The following LRRC49 variants were observed in gnomAD, a reference collection of about 807,000 sequenced individuals.
The protein encoded by LRRC49 is leucine-rich repeat-containing protein 49.
LRRC49 carries 50 observed loss-of-function variants against 83.3 expected under a neutral mutation model. That is an observed-to-expected ratio of 0.60 (90% confidence interval 0.48 to 0.76). LRRC49 has a LOEUF of 0.76. Ranked by LOEUF, LRRC49 falls within the 30% of genes least tolerant of loss-of-function variation. LRRC49 has a pLI of 0.00. For missense variants in LRRC49, 704 were observed against 809.1 expected, an observed-to-expected ratio of 0.87 and a Z score of 1.58; for synonymous variants, 286 against 283.3, an observed-to-expected ratio of 1.01 and a Z score of -0.10.
intron 9 of LRRC49, among the ~76,000 whole-genome samples, chr15:70,978,789 G>C (rs1038415237): frequency 6.6e-6 from 1 of 152,106 alleles, no homozygotes; most frequent in Non-Finnish European, 1.5e-5. Context: ...AATGAAACAG[G>C]TTAAGTGCTA....
Position 70,901,033 on chromosome 15 carries a change from A to C in LRRC49, c.296+9A>C. On this transcript the variant is annotated intron_variant, in intron 4 of 15. Transcript: ENST00000260382. ...AGGTTGAGCCTAGAAAGGTGAGGACAATTTCTTTTCTTTTCTTTTTTTTGA... is the reference window on the plus strand; with the variant it reads ...AGGTTGAGCCTAGAAAGGTGAGGACCATTTCTTTTCTTTTCTTTTTTTTGA... 3 of 1,546,636 alleles carry C rather than the reference A, an allele frequency of 1.9e-6. No homozygotes were observed. Among genetic ancestry groups the C allele is most frequent in the Non-Finnish European group, 2.7e-6 (3 of 1,131,306 alleles).
chr15:71,013,277 G>A (rs1008090115), intron 14 of LRRC49, among the ~76,000 whole-genome samples: 2 of 152,034 alleles, frequency 1.3e-5, no homozygotes, highest in African/African-American at 4.8e-5. Flanking sequence ...GAGGATATGG[G>A]GAAAAGATAT....
At chr15:70,936,526 T>G in intron 7 of LRRC49, 1 of 416,644 alleles carries the variant, frequency 2.4e-6, no homozygotes, top group East Asian at 3.4e-5. Flanking sequence ...CGTCTCTCCC[T>G]GTCTCCTCAG....
At chr15:71,012,486 T>G (rs1369910646) in intron 13 of LRRC49, among the ~76,000 whole-genome samples, 13 of 151,486 alleles carry the variant, frequency 8.6e-5, no homozygotes, top group Admixed American at 6.6e-4. Flanking sequence ...TCCAAGAAGC[T>G]ATAGGATTTC....
intron 11 of LRRC49, among the ~76,000 whole-genome samples, chr15:70,996,974 T>C (rs542762509): frequency 4.6e-5 from 7 of 152,310 alleles, no homozygotes; most frequent in African/African-American, 1.7e-4. Flanking sequence ...GCTGAACATA[T>C]GGTCTATCCC....
intron 14 of LRRC49, among the ~76,000 whole-genome samples, chr15:71,034,754 C>T (rs777766358): frequency 2.0e-5 from 3 of 152,086 alleles, no homozygotes; most frequent in Non-Finnish European, 4.4e-5. Flanking sequence ...CATGGATGAT[C>T]GAGATGGAAG....
chr15:71,043,588 C>T (rs1441677962), intron 15 of LRRC49, among the ~76,000 whole-genome samples: 3 of 152,156 alleles, frequency 2.0e-5, no homozygotes, highest in East Asian at 1.9e-4. Flanking sequence ...TCCTGGCAGA[C>T]ACCTGATGAC....
chr15:70,937,530 C>T (rs2035643107), intron 8 of LRRC49, among the ~76,000 whole-genome samples: 1 of 152,044 alleles, frequency 6.6e-6, no homozygotes, highest in Non-Finnish European at 1.5e-5. Flanking sequence ...AGTTTCACTT[C>T]AAAGCTGTTC....
chr15:70,934,504 ACT>A (rs1360053973), intron 7 of LRRC49, among the ~76,000 whole-genome samples: 3 of 152,134 alleles, frequency 2.0e-5, no homozygotes, highest in Admixed American at 1.3e-4. Context: ...ATTTTTGATA[ACT>A]CTACTAGGCA....
intron 2 of LRRC49, among the ~76,000 whole-genome samples, chr15:70,894,114 T>C (rs2033718946): frequency 6.6e-6 from 1 of 152,204 alleles, no homozygotes; most frequent in African/African-American, 2.4e-5. Flanking sequence ...CAGGCTGTTC[T>C]CGAGCTCCTG....
chr15:70,991,122 A>G (rs2037864583), intron 11 of LRRC49, among the ~76,000 whole-genome samples: 2 of 152,202 alleles, frequency 1.3e-5, no homozygotes, highest in Admixed American at 6.5e-5. Flanking sequence ...GCTGTGATCT[A>G]TACTATCTGT....
intron 11 of LRRC49, among the ~76,000 whole-genome samples, chr15:70,988,299 G>C (rs1391786208): frequency 6.7e-5 from 10 of 148,624 alleles, no homozygotes; most frequent in Non-Finnish European, 1.5e-4. Context: ...CTCAGGACTT[G>C]CTTTATGAAT....
chr15:71,010,980 A>G (rs2038633219), intron 13 of LRRC49, among the ~76,000 whole-genome samples: 2 of 152,098 alleles, frequency 1.3e-5, no homozygotes, highest in African/African-American at 2.4e-5. Context: ...TCAGCATACT[A>G]TGAGGAGACT....
intron 9 of LRRC49, among the ~76,000 whole-genome samples, chr15:70,972,523 G>A (rs1395038409): frequency 6.6e-6 from 1 of 151,774 alleles, no homozygotes. Context: ...GAATTTGAAT[G>A]TTGGCCTGTC....
rs1380860703 is a variant in LRRC49, at chr15:71,008,385, A to G, written c.1176A>G (p.Leu392=). The change falls in exon 12 of 16, where the codon CTA becomes CTG. Residue 392 remains leucine, a synonymous_variant. Coordinates refer to ENST00000260382, the MANE Select transcript of LRRC49 (RefSeq NM_017691.5). ...LSAFPEETGP[L]DSGLNNALQG... is the part of the protein sequence containing the mutation. ...TATACTTTGGGTTTTCCAGGCCTCT[A>G]GACTCAGGACTCAACAATGCTTTAC... 2 of 1,609,028 alleles carry G rather than the reference A, an allele frequency of 1.2e-6. No individual in the cohort carries two copies. Among genetic ancestry groups the G allele is most frequent in the Non-Finnish European group, 8.5e-7 (1 of 1,175,920 alleles).
intron 15 of LRRC49, among the ~76,000 whole-genome samples, chr15:71,049,000 T>G (rs1021716832): frequency 1.3e-5 from 2 of 152,226 alleles, no homozygotes; most frequent in African/African-American, 4.8e-5. Context: ...TACATAGATA[T>G]TAACTAATAT....
chr15:70,853,531 G>A (rs1051782468), intron 1 of LRRC49: 2 of 177,686 alleles, frequency 1.1e-5, no homozygotes, highest in African/African-American at 2.4e-5. Context: ...GCGGCGATGG[G>A]GAGGTGGTGT....
intron 3 of LRRC49, 129 bp downstream of exon 3, chr15:70,896,065 G>T: frequency 8.5e-6 from 5 of 589,366 alleles, no homozygotes; most frequent in Non-Finnish European, 1.2e-5. Context: ...GGACCAAATT[G>T]GTTTGGTATT....
At chr15:70,883,096 T>A (rs1211108907) in intron 2 of LRRC49, among the ~76,000 whole-genome samples, 1 of 152,242 alleles carries the variant, frequency 6.6e-6, no homozygotes, top group Admixed American at 6.5e-5. Context: ...ATTGTCTTTT[T>A]TCCACTTATA....
Sources: gnomAD v4.1 joint callset for allele counts (sites outside exome capture counted in the v4.1 genomes callset) on GRCh38, gnomAD v4.1.1 for gene constraint, MANE v1.5 for transcripts, NCBI Gene and HGNC (gene_info 2026-07-23, HGNC 2026-07-21) for gene names.